Variants in SNAPC4 observed in about 807,000 individuals in gnomAD.
SNAPC4 encodes snRNA-activating protein complex subunit 4.
In SNAPC4, 127 loss-of-function variants were observed where a neutral mutation model predicts 151.3. That is an observed-to-expected ratio of 0.84 (90% CI 0.73 to 0.97). The LOEUF (loss-of-function observed/expected upper bound fraction) is 0.97. Ranked by LOEUF, SNAPC4 falls within the 50% of genes least tolerant of loss-of-function variation. The pLI is 0.00. For synonymous variants in SNAPC4, 1,002 were observed against 824.4 expected, an observed-to-expected ratio of 1.22 and a Z score of -3.69; for missense variants, 2,186 against 1,935.0, an observed-to-expected ratio of 1.13 and a Z score of -2.43.
intron 1 of SNAPC4, among the ~76,000 whole-genome samples, chr9:136,399,237 T>C (rs946439613): frequency 6.6e-6 from 1 of 152,212 alleles, no homozygotes; most frequent in Non-Finnish European, 1.5e-5. Context: ...TGGCTCTCCC[T>C]GCTGGAGGCT....
At chr9:136,376,602 C>T in intron 22 of SNAPC4, 121 bp from the exon 23 acceptor site, 1 of 1,218,496 alleles carries the variant, frequency 8.2e-7, no homozygotes, top group Non-Finnish European at 1.2e-6. Flanking sequence ...AGGGCACCCT[C>T]AGCTCAGGCG....
rs1232445391 is a variant in SNAPC4, at chr9:136,377,422, C to T, written c.4284+121G>A. 51 of 1,277,654 alleles carry T rather than the reference C, an allele frequency of 4.0e-5. No homozygotes were observed. In the East Asian group the frequency reaches 1.3e-3, roughly 31 times the overall value. 79.1% of individuals were successfully genotyped at this position (1,277,654 alleles called of 1,614,324 possible). A position where few individuals can be genotyped will look rare whatever the true frequency, so the allele number is the denominator to read the frequency against. ...AACCAGCTTCCTCCTCCTAAGACAC[C>T]CAGCAGCCAGCCTTCCTGCCCGCAA... is the stretch of plus-strand genomic sequence containing the variant. On this transcript the variant is annotated intron_variant, in intron 22 of 23. Coordinates refer to ENST00000684778, the MANE Select transcript of SNAPC4 (RefSeq NM_003086.4).
rs3829112 is a variant in SNAPC4 at position 136,378,836 on chromosome 9, C to T, written c.2991G>A (p.Glu997=). The change falls in exon 22 of 24, where the codon GAG becomes GAA. Residue 997 remains glutamate, a synonymous_variant. Coordinates refer to ENST00000684778, the MANE Select transcript of SNAPC4 (RefSeq NM_003086.4). ...CTTGGGAAGCAGCAGGGGCTGTGCC[C>T]TCGGCCTCTGAGAAGACAGGAGCGA... is the stretch of plus-strand genomic sequence containing the variant. The part of the protein sequence containing the change: ...LPLAPVFSEA[E]GTAPAASQAP... 272,687 of 1,602,502 alleles carry T rather than the reference C, an allele frequency of 0.17. 24,048 individuals are homozygous for T. Among genetic ancestry groups the T allele is most frequent in the Admixed American group, 0.25 (14,858 of 58,758 alleles).
intron 1 of SNAPC4, among the ~76,000 whole-genome samples, chr9:136,398,982 G>C (rs895668604): frequency 6.6e-6 from 1 of 152,258 alleles, no homozygotes; most frequent in Non-Finnish European, 1.5e-5. Flanking sequence ...CTCCCAAAGG[G>C]AAGGCTGGCT....
At position 136,379,079 on chromosome 9, in the gene SNAPC4, C is replaced by A. The variant is rs777650907; in HGVS notation, c.2748G>T (p.Val916=). 7.0e-6 allele frequency: 11 copies of A among 1,570,992 alleles called. No homozygotes were observed. In the East Asian group the frequency reaches 2.3e-4, roughly 33 times the overall value. The change falls in exon 22 of 24, where the codon GTG becomes GTT. Residue 916 remains valine, a synonymous_variant. Transcript: ENST00000684778. ...AGGAGACCAGCAGCTGGGACGGGAGCACCACCGGGCCCCGGGTGGCCTCCC... is the reference window on the plus strand; with the variant it reads ...AGGAGACCAGCAGCTGGGACGGGAGAACCACCGGGCCCCGGGTGGCCTCCC... ...RAREATRGPV[V]LPSQLLVSSS...
rs189880431 is a variant in SNAPC4, at chr9:136,393,971, G to A, written c.632+278C>T. On this transcript the variant is annotated intron_variant, in intron 7 of 23. Transcript: ENST00000684778. ...CTCGCTCTGTCACCCAGGCTGGAAC[G>A]CAGTGGTACAATCATGGCTCACTGC... 3.9e-5 allele frequency among the ~76,000 whole-genome samples: 6 copies of A among 152,358 alleles called. No homozygotes were observed. In the East Asian group the frequency reaches 9.6e-4, roughly 24 times the overall value.
At chr9:136,397,175 G>A in intron 2 of SNAPC4, 152 bp from the exon 3 acceptor site, 1 of 731,404 alleles carries the variant, frequency 1.4e-6, no homozygotes, top group Non-Finnish European at 2.5e-6. Flanking sequence ...TTCCCTCCCT[G>A]ACAGCGGGGT....
Position 136,384,785 on chromosome 9 carries a change from T to C in SNAPC4, c.1355A>G (p.Lys452Arg). Residue 452 changes from lysine to arginine, a missense_variant, in exon 14 of 24, where the codon AAA becomes AGA. Transcript: ENST00000684778. ...RYLRRLHFSLKKGRWNLKEEE... is the reference protein window; with the variant it reads ...RYLRRLHFSLRKGRWNLKEEE... ...TTCTTTTAAATTCCACCGACCCTTT[T>C]TCAAGCTGAAATGTAATCTCCTGAG... 6.3e-7 allele frequency: 1 copy of C among 1,597,538 alleles called. No homozygotes were observed. The highest frequency in any genetic ancestry group is 1.1e-5 in the South Asian group (1 of 88,364).
At position 136,383,072 on chromosome 9, in the gene SNAPC4, T is replaced by C. The variant is rs888531536; in HGVS notation, c.1983+114A>G. ...CCAGAGCTCAGCCAGAAGTAGCACG[T>C]TCTGATGCACACGAACCCTGGGGCC... On this transcript the variant is annotated intron_variant, in intron 16 of 23. Transcript: ENST00000684778. The surrounding 1 kb of genome is among the most constrained non-coding windows in gnomAD (Gnocchi z 4.2). 4.9e-6 allele frequency: 7 copies of C among 1,429,328 alleles called. No individual in the cohort carries two copies. The Admixed American group carries it at 8.5e-5, about 17-fold the overall frequency. 88.5% of individuals were successfully genotyped at this position (1,429,328 alleles called of 1,614,324 possible). A position where few individuals can be genotyped will look rare whatever the true frequency, so the allele number is the denominator to read the frequency against.
chr9:136,383,285 C>G lies in SNAPC4; in HGVS notation c.1884G>C (p.Val628=), dbSNP rs147633474. ...AAAPGEETSP[V]QVPARAHGPV... Reference sequence around the variant, plus strand: ...GGCCGTGGGCCCTGGCAGGGACCTGCACCGGACTCGTCTCCTCTCCAGGAG... The same window carrying G: ...GGCCGTGGGCCCTGGCAGGGACCTGGACCGGACTCGTCTCCTCTCCAGGAG... The change falls in exon 16 of 24, where the codon GTG becomes GTC. Residue 628 remains valine (V), a synonymous_variant. Transcript: ENST00000684778. This position sits in a 1 kb window ranked among gnomAD's most constrained non-coding sequence, Gnocchi z 4.2. 3.8e-5 allele frequency: 61 copies of G among 1,612,258 alleles called. No homozygotes were observed. The African/African-American group carries it at 7.2e-4, about 19-fold the overall frequency.
intron 2 of SNAPC4, among the ~76,000 whole-genome samples, 178 bp from the exon 3 acceptor site, chr9:136,397,201 G>A (rs1416232174): frequency 6.6e-6 from 1 of 152,182 alleles, no homozygotes; most frequent in Non-Finnish European, 1.5e-5. Context: ...CTGGACCAAG[G>A]CCGGGTTAGC....
chr9:136,397,282 T>A (rs912477181), intron 2 of SNAPC4, among the ~76,000 whole-genome samples: 7 of 152,134 alleles, frequency 4.6e-5, no homozygotes, highest in Non-Finnish European at 8.8e-5. Context: ...CAGGGTTCAC[T>A]GGATGGCACA....
At chr9:136,386,829 T>C (rs1833905870) in intron 13 of SNAPC4, among the ~76,000 whole-genome samples, 1 of 152,090 alleles carries the variant, frequency 6.6e-6, no homozygotes, top group Admixed American at 6.5e-5. Context: ...CTCAGCTTAC[T>C]GCAACATCCA....
rs150442706 is a variant in SNAPC4 at position 136,398,318 on chromosome 9, G to C, written c.111C>G (p.Leu37=). 49 of 1,612,758 alleles carry C rather than the reference G, an allele frequency of 3.0e-5. No homozygotes were observed. The African/African-American group carries it at 5.6e-4, about 19-fold the overall frequency. ...GSHVEISESS[L]ESDSEADSLP... ...GCTTACCTGCTTCAGAATCTGACTC[G>C]AGACTTGATTCTGAGATCTCCACGT... is the stretch of plus-strand genomic sequence containing the variant. Residue 37 remains leucine, a synonymous_variant, in exon 2 of 24, where the codon CTC becomes CTG. Coordinates refer to ENST00000684778, the MANE Select transcript of SNAPC4 (RefSeq NM_003086.4).
At position 136,396,959 on chromosome 9, in the gene SNAPC4, G is replaced by C. The variant is rs552475547; in HGVS notation, c.177+18C>G. 6.2e-7 allele frequency: 1 copy of C among 1,611,972 alleles called. No individual in the cohort carries two copies. The highest frequency in any genetic ancestry group is 1.3e-5 in the African/African-American group (1 of 75,040). ...CAGGCCTGACCCAGTGGCACAGCCA[G>C]ATCAGGCCAACAGTTACCGAGATCG... On this transcript the variant is annotated intron_variant, in intron 3 of 23. Coordinates refer to ENST00000684778, the MANE Select transcript of SNAPC4 (RefSeq NM_003086.4).
chr9:136,395,826 C>A, intron 3 of SNAPC4, 56 bp from the exon 4 acceptor site: 1 of 1,538,932 alleles, frequency 6.5e-7, no homozygotes, highest in Non-Finnish European at 8.9e-7. Flanking sequence ...GCTCCCCTGT[C>A]CTCGGCAGCC....
intron 12 of SNAPC4, 51 bp from the exon 13 acceptor site, chr9:136,387,630 G>C (rs145092706): frequency 6.8e-7 from 1 of 1,470,882 alleles, no homozygotes; most frequent in East Asian, 2.3e-5. Flanking sequence ...TACGGCTGCA[G>C]CCTCCCCACC....
At chr9:136,389,896 T>G (rs1281478822) in intron 10 of SNAPC4, among the ~76,000 whole-genome samples, 1 of 152,124 alleles carries the variant, frequency 6.6e-6, no homozygotes, top group East Asian at 1.9e-4. Flanking sequence ...CTAAAAACAC[T>G]TCCCTGGAAG....
chr9:136,395,672 G>A lies in SNAPC4; in HGVS notation c.276C>T (p.Val92=), dbSNP rs1588767621. 5 of 1,613,342 alleles carry A rather than the reference G, an allele frequency of 3.1e-6. No individual in the cohort carries two copies. Among genetic ancestry groups the A allele is most frequent in the Non-Finnish European group, 4.2e-6 (5 of 1,179,976 alleles). ...GCTTCTCCTGGATGACCTCCTGGTA[G>A]ACCATGTTCAGCTGCAGGCAGGTTT... ...DPETCLQLNM[V]YQEVIQEKLA... Residue 92 remains valine (V), a synonymous_variant, in exon 4 of 24, where the codon GTC becomes GTT. Transcript: ENST00000684778.
Sources: gnomAD v4.1 joint callset for allele counts (sites outside exome capture counted in the v4.1 genomes callset) on GRCh38, gnomAD v4.1.1 for gene constraint, Gnocchi (gnomAD v3.1) non-coding constraint, MANE v1.5 for transcripts, NCBI Gene and HGNC (gene_info 2026-07-23, HGNC 2026-07-21) for gene names.